Variants in AGMO observed in about 807,000 individuals in gnomAD.
The protein encoded by AGMO is alkylglycerol monooxygenase.
In AGMO, 75 loss-of-function variants were observed where a neutral mutation model predicts 60.2. The ratio of observed to expected loss-of-function variants is 1.25; its 90% CI spans 1.03 to 1.51. The LOEUF is 1.51. Ranked by LOEUF, AGMO falls within the 40% of genes most tolerant of loss-of-function variation. The probability of loss-of-function intolerance (pLI) is 0.00; values close to 1 mark genes in which losing one functional copy is unlikely to be tolerated. For missense variants in AGMO, 763 were observed against 525.5 expected, an observed-to-expected ratio of 1.45 and a Z score of -4.42; for synonymous variants, 261 against 177.1, an observed-to-expected ratio of 1.47 and a Z score of -3.76.
At chr7:15,423,554 C>G (rs977543825) in intron 4 of AGMO, among the ~76,000 whole-genome samples, 1 of 152,210 alleles carries the variant, frequency 6.6e-6, no homozygotes. Flanking sequence ...GTGGGAGACC[C>G]TGGCACCCAG....
intron 12 of AGMO, among the ~76,000 whole-genome samples, chr7:15,215,982 C>T (rs1022767862): frequency 6.6e-6 from 1 of 152,018 alleles, no homozygotes; most frequent in Non-Finnish European, 1.5e-5. Context: ...TACCACTGGT[C>T]ATTCAAAGAT....
Position 15,521,166 on chromosome 7 carries a change from T to A in AGMO, c.409+23606A>T, listed in dbSNP as rs371035559. Among the ~76,000 whole-genome samples, 7 of 152,264 alleles carry A rather than the reference T, an allele frequency of 4.6e-5. No individual in the cohort carries two copies. The East Asian group carries it at 1.2e-3, about 25-fold the overall frequency. On this transcript the variant is annotated intron_variant, in intron 3 of 12. Coordinates refer to ENST00000342526, the MANE Select transcript of AGMO (RefSeq NM_001004320.2). Reference sequence around the variant, plus strand: ...ACCAAGAAAAAGTTGAATCCCTGAATAGACCAATAACCAGTTCTGAAATTG... The same window carrying A: ...ACCAAGAAAAAGTTGAATCCCTGAAAAGACCAATAACCAGTTCTGAAATTG...
At chr7:15,468,490 T>A (rs1207335467) in intron 3 of AGMO, among the ~76,000 whole-genome samples, 1 of 152,090 alleles carries the variant, frequency 6.6e-6, no homozygotes, top group African/African-American at 2.4e-5. Flanking sequence ...CTGTACATGT[T>A]TTAAACATGT....
intron 12 of AGMO, among the ~76,000 whole-genome samples, chr7:15,257,644 T>A (rs929402105): frequency 6.6e-6 from 1 of 152,178 alleles, no homozygotes; most frequent in African/African-American, 2.4e-5. Context: ...CAAGAATAAT[T>A]GAGCTAAAAG....
chr7:15,329,646 C>T (rs1055178063), intron 12 of AGMO, among the ~76,000 whole-genome samples: 1 of 152,160 alleles, frequency 6.6e-6, no homozygotes, highest in Non-Finnish European at 1.5e-5. Flanking sequence ...CGCTTAATTA[C>T]ACCTATGTTA....
chr7:15,438,760 C>G (rs1221836703), intron 3 of AGMO, among the ~76,000 whole-genome samples: 1 of 152,102 alleles, frequency 6.6e-6, no homozygotes, highest in African/African-American at 2.4e-5. Flanking sequence ...CAGAGTACCC[C>G]CTGACCCATA....
intron 12 of AGMO, among the ~76,000 whole-genome samples, chr7:15,289,697 A>C (rs918898767): frequency 2.0e-5 from 3 of 152,104 alleles, no homozygotes; most frequent in Non-Finnish European, 4.4e-5. Context: ...CTAAGGAGTA[A>C]TTCAAAGAAA....
At chr7:15,231,896 A>T (rs563145483) in intron 12 of AGMO, among the ~76,000 whole-genome samples, 11 of 152,346 alleles carry the variant, frequency 7.2e-5, no homozygotes, top group Non-Finnish European at 1.3e-4. Context: ...AATAAAAAAT[A>T]ATAAAGTAGT....
At chr7:15,126,918 C>A in the AGMO span, among the ~76,000 whole-genome samples, 1 of 152,084 alleles carries the variant, frequency 6.6e-6, no homozygotes, top group Non-Finnish European at 1.5e-5. Flanking sequence ...CTGAGAGCTT[C>A]CTCTGCACAA....
chr7:15,458,947 G>A (rs1233387083), intron 3 of AGMO, among the ~76,000 whole-genome samples: 1 of 152,058 alleles, frequency 6.6e-6, no homozygotes, highest in African/African-American at 2.4e-5. Context: ...TCAGATTGAA[G>A]CATACAAAAT....
At chr7:15,341,875 T>C (rs889835984) in intron 12 of AGMO, among the ~76,000 whole-genome samples, 12 of 151,938 alleles carry the variant, frequency 7.9e-5, no homozygotes, top group Middle Eastern at 6.8e-3. Context: ...AACCATCAGA[T>C]CTCGTGAGAC....
intron 12 of AGMO, among the ~76,000 whole-genome samples, chr7:15,245,598 C>A (rs888223976): frequency 6.6e-5 from 10 of 152,122 alleles, no homozygotes; most frequent in African/African-American, 2.2e-4. Context: ...TCCAAGACTA[C>A]CATCAGAAAC....
At chr7:15,394,696 T>C (rs570824978) in intron 5 of AGMO, among the ~76,000 whole-genome samples, 1 of 152,276 alleles carries the variant, frequency 6.6e-6, no homozygotes, top group South Asian at 2.1e-4. Context: ...AACTGTGTTA[T>C]GTTTCCCGGA....
the AGMO span, among the ~76,000 whole-genome samples, chr7:15,188,458 T>G: frequency 6.6e-6 from 1 of 152,238 alleles, no homozygotes; most frequent in Admixed American, 6.5e-5. Context: ...TCCATTACCA[T>G]ACTTGTACTA....
intron 12 of AGMO, among the ~76,000 whole-genome samples, chr7:15,251,568 A>G (rs1280696419): frequency 2.0e-5 from 3 of 152,210 alleles, no homozygotes; most frequent in Non-Finnish European, 4.4e-5. Flanking sequence ...AGAAAGCAAG[A>G]TAGATAACCA....
intron 10 of AGMO, among the ~76,000 whole-genome samples, chr7:15,369,706 G>A (rs1783125455): frequency 6.6e-6 from 1 of 151,944 alleles, no homozygotes; most frequent in Admixed American, 6.6e-5. Flanking sequence ...TCTGTTGTCT[G>A]TCTCCTCTTG....
chr7:15,182,561 G>A, the AGMO span, among the ~76,000 whole-genome samples: 1 of 152,044 alleles, frequency 6.6e-6, no homozygotes, highest in African/African-American at 2.4e-5. Context: ...GACTGCATGT[G>A]TGCACCACCA....
Position 15,406,228 on chromosome 7 carries a change from T to TACACACACAC in AGMO, c.610-12059_610-12050dup, listed in dbSNP as rs61400312. ...ACTCAAAAGGCCCCTTTGTTTGGAATACACACACACACACACACACACACG... is the reference window on the plus strand; with the variant it reads ...ACTCAAAAGGCCCCTTTGTTTGGAATACACACACACACACACACACACACACACACACACG... On this transcript the variant is annotated intron_variant, in intron 5 of 12. Coordinates refer to ENST00000342526, the MANE Select transcript of AGMO (RefSeq NM_001004320.2). Among the ~76,000 whole-genome samples the TACACACACAC allele has an allele frequency of 8.1e-3, 1,107 of 136,364 alleles. 28 individuals are homozygous for TACACACACAC. The highest frequency in any genetic ancestry group is 0.027 in the Middle Eastern group (7 of 258). The allele number at this position is 136,364 out of a possible 152,430, so 89.5% of individuals were successfully genotyped here. A position where few individuals can be genotyped will look rare whatever the true frequency, so the allele number is the denominator to read the frequency against.
intron 12 of AGMO, among the ~76,000 whole-genome samples, chr7:15,350,608 A>G (rs1227244334): frequency 1.3e-5 from 2 of 152,190 alleles, no homozygotes; most frequent in Non-Finnish European, 2.9e-5. Context: ...GAATGTTTCA[A>G]CTGTTCATGG....
Sources: allele counts gnomAD v4.1 joint callset (sites outside exome capture counted in the v4.1 genomes callset), GRCh38; gene constraint gnomAD v4.1.1; transcripts MANE v1.5; gene names NCBI Gene and HGNC (gene_info 2026-07-23, HGNC 2026-07-21).